CENPM: variants seen among roughly 807,000 people sequenced by gnomAD.
The protein encoded by CENPM is interphase centromere complex protein 39.
A neutral mutation model predicts 19.6 loss-of-function variants in CENPM; 14 were observed. The observed-to-expected ratio is 0.71, with a 90% CI of 0.47 to 1.11. The LOEUF is 1.11. CENPM is among the 50% of genes most tolerant of loss of function. The probability of loss-of-function intolerance (pLI) is 0.00; values close to 1 mark genes in which losing one functional copy is unlikely to be tolerated. For synonymous variants in CENPM, 114 were observed against 101.5 expected, an observed-to-expected ratio of 1.12 and a Z score of -0.74; for missense variants, 239 against 228.4, an observed-to-expected ratio of 1.05 and a Z score of -0.30.
chr22:41,935,823 C>G (rs2146596940), downstream of CENPM, among the ~76,000 whole-genome samples: 1 of 152,162 alleles, frequency 6.6e-6, no homozygotes, highest in Admixed American at 6.5e-5. Context: ...CACGGGCTGT[C>G]TCCACCTTCT....
At chr22:41,938,007 C>T (rs143198076), downstream of CENPM, among the ~76,000 whole-genome samples, 1 of 152,172 alleles carries the variant, frequency 6.6e-6, no homozygotes, top group African/African-American at 2.4e-5. Flanking sequence ...CCATGCCTGG[C>T]TAATTTGTTT....
At chr22:41,945,838 A>T in intron 3 of CENPM, 75 bp downstream of exon 3, 1 of 1,204,222 alleles carries the variant, frequency 8.3e-7, no homozygotes, top group Non-Finnish European at 1.2e-6. Context: ...TCCCATCACA[A>T]GTTAGGTCAC....
chr22:41,945,143 G>C (rs755060901), intron 4 of CENPM, 82 bp downstream of exon 4: 6 of 1,602,728 alleles, frequency 3.7e-6, no homozygotes, highest in Non-Finnish European at 5.1e-6. Context: ...CCATCACCCA[G>C]GGTGCCTCAG....
intron 1 of CENPM, 168 bp from the exon 2 acceptor site, chr22:41,946,664 G>A (rs2077807767): frequency 1.6e-6 from 1 of 626,278 alleles, no homozygotes; most frequent in Non-Finnish European, 2.8e-6. Context: ...GGGGGCCTGA[G>A]GTTTGGACCC....
chr22:41,928,659 C>T, the CENPM span, among the ~76,000 whole-genome samples: 1 of 152,086 alleles, frequency 6.6e-6, no homozygotes, highest in Non-Finnish European at 1.5e-5. This position sits in a 1 kb window ranked among gnomAD's most constrained non-coding sequence, Gnocchi z 4.0. Flanking sequence ...GGAGCCTGAG[C>T]TGCTCTGGGG....
chr22:41,929,828 AG>A, the CENPM span, among the ~76,000 whole-genome samples: 1 of 151,770 alleles, frequency 6.6e-6, no homozygotes, highest in East Asian at 1.9e-4. Context: ...GGGCTGCAGC[AG>A]GCCCTGTGTC....
chr22:41,947,071 C>G lies in CENPM; in HGVS notation c.6G>C (p.Ser2=), dbSNP rs146599179. Residue 2 remains serine (S), a synonymous_variant, in exon 1 of 6, where the codon TCG becomes TCC. Transcript: ENST00000215980. M[S]VLRPLDKLPG... ...GCAGCTTGTCCAGGGGCCTCAACACCGACATCACAGCCGCAGGACCAACCG... is the reference window on the plus strand; with the variant it reads ...GCAGCTTGTCCAGGGGCCTCAACACGGACATCACAGCCGCAGGACCAACCG... The G allele has an allele frequency of 3.7e-6, 6 of 1,612,866 alleles. No individual in the cohort carries two copies. In the African/African-American group the frequency reaches 4.0e-5, roughly 11 times the overall value.
chr22:41,939,830 G>GAAAGAAAAAGAAAGAA (rs1569425768), intron 5 of CENPM, among the ~76,000 whole-genome samples: 2 of 21,428 alleles, frequency 9.3e-5, no homozygotes, highest in African/African-American at 3.6e-4. Flanking sequence ...AAGAAAGAAA[G>GAAAGAAAAAGAAAGAA]AAAGAAAGAA....
the CENPM span, among the ~76,000 whole-genome samples, chr22:41,929,808 T>C: frequency 2.6e-4 from 6 of 23,462 alleles, no homozygotes; most frequent in Admixed American, 2.1e-3. Flanking sequence ...CTAAATGGGG[T>C]GGGGGTGGGG....
At chr22:41,930,900 G>A in the CENPM span, among the ~76,000 whole-genome samples, 2 of 142,482 alleles carry the variant, frequency 1.4e-5, no homozygotes, top group South Asian at 2.2e-4. Context: ...GCAATGGCAC[G>A]ATCTTGGCTC....
At chr22:41,929,935 C>CTT in the CENPM span, among the ~76,000 whole-genome samples, 108 of 97,676 alleles carry the variant, frequency 1.1e-3, 4 homozygotes, top group African/African-American at 1.4e-3. Flanking sequence ...TTCCCCGTGG[C>CTT]TTTTTTTTTT....
chr22:41,934,179 C>T (rs79110057), downstream of CENPM, among the ~76,000 whole-genome samples: 311 of 152,248 alleles, frequency 2.0e-3, no homozygotes, highest in African/African-American at 7.4e-3. Flanking sequence ...GACACGGGGC[C>T]CAGGCTGCAG....
At chr22:41,946,148 C>T (rs1049974986) in intron 2 of CENPM, 143 bp from the exon 3 acceptor site, 3 of 747,902 alleles carry the variant, frequency 4.0e-6, no homozygotes, top group African/African-American at 3.5e-5. Context: ...GCCACGACTC[C>T]TTGGGCCAGC....
In CENPM at chr22:41,946,449, CA is replaced by C. The variant is rs1479058792; in HGVS notation, c.104del (p.Met35SerfsTer10). ...DALLQQLADS[M>X]LKEDCASELK... is the part of the protein sequence containing the mutation. ...GCTCGGAGGCGCAGTCCTCTTTGAG[CA>C]TCGAGTCCGCCAGCTGCTGCAGAAG... is the stretch of plus-strand genomic sequence containing the variant. On this transcript the variant is annotated frameshift_variant, in exon 2 of 6. Transcript: ENST00000215980. LOFTEE classifies it high-confidence loss of function. 5.6e-6 allele frequency: 9 copies of C among 1,612,956 alleles called. No individual in the cohort carries two copies. In the African/African-American group the frequency reaches 1.2e-4, roughly 22 times the overall value.
rs541706503 is a variant in CENPM, at chr22:41,939,200, C to A, written c.403-4G>T. Reference sequence around the variant, plus strand: ...TGGTGGCCCTAAAGCCTTCCACCTGCGGGGAGAGCAGAGAACAGCAGTGAG... The same window carrying A: ...TGGTGGCCCTAAAGCCTTCCACCTGAGGGGAGAGCAGAGAACAGCAGTGAG... On this transcript the variant is annotated splice_region_variant and splice_polypyrimidine_tract_variant and intron_variant, in intron 5 of 5. Transcript: ENST00000215980. 6.2e-6 allele frequency: 10 copies of A among 1,608,262 alleles called. No homozygotes were observed. The Admixed American group carries it at 1.5e-4, about 24-fold the overall frequency.
At chr22:41,939,687 C>T (rs1219643234) in intron 5 of CENPM, among the ~76,000 whole-genome samples, 4 of 150,106 alleles carry the variant, frequency 2.7e-5, no homozygotes, top group Non-Finnish European at 4.4e-5. Context: ...AGCTGTGGGG[C>T]CAGAGAGGGA....
chr22:41,946,377 G>A, intron 2 of CENPM, 40 bp downstream of exon 2: 1 of 1,558,592 alleles, frequency 6.4e-7, no homozygotes, highest in Non-Finnish European at 8.8e-7. Context: ...CCTCTGGAGT[G>A]AGAGACACGT....
chr22:41,937,436 T>C (rs979698573), downstream of CENPM, among the ~76,000 whole-genome samples: 8 of 151,850 alleles, frequency 5.3e-5, no homozygotes, highest in Admixed American at 1.3e-4. Context: ...GCTGGGACTA[T>C]AGGCACAGAC....
At chr22:41,944,136 A>T (rs1450457137) in intron 4 of CENPM, 2 of 985,274 alleles carry the variant, frequency 2.0e-6, no homozygotes, top group Non-Finnish European at 2.4e-6. Flanking sequence ...TATTTGACAG[A>T]AGCCTAGAGT....
Sources: allele counts gnomAD v4.1 joint callset (sites outside exome capture counted in the v4.1 genomes callset), GRCh38; gene constraint gnomAD v4.1.1; non-coding constraint Gnocchi (gnomAD v3.1); transcripts MANE v1.5; gene names NCBI Gene and HGNC (gene_info 2026-07-23, HGNC 2026-07-21).